The following OSBPL9 variants were observed in gnomAD, a reference collection of about 807,000 sequenced individuals.
OSBPL9 encodes oxysterol binding protein like 9, also known as oxysterol-binding protein-related protein 9.
Under a neutral mutation model 106.6 loss-of-function variants are expected in OSBPL9, and 40 were observed. The observed-to-expected ratio is 0.38, with a 90% CI of 0.29 to 0.49. The LOEUF is 0.49. Among genes scored for constraint, OSBPL9 ranks in the 20% least tolerant of loss-of-function variants. The probability of loss-of-function intolerance (pLI) is 0.97; values close to 1 mark genes in which losing one functional copy is unlikely to be tolerated. For synonymous variants in OSBPL9, 269 were observed against 295.4 expected, an observed-to-expected ratio of 0.91 and a Z score of 0.92; for missense variants, 609 against 887.2, an observed-to-expected ratio of 0.69 and a Z score of 3.98.
chr1:51,721,145 T>C (rs2148911164), intron 4 of OSBPL9, among the ~76,000 whole-genome samples: 1 of 152,102 alleles, frequency 6.6e-6, no homozygotes, highest in East Asian at 1.9e-4. Flanking sequence ...TGTTAATTTT[T>C]TTTTTTTTTT....
At chr1:51,759,739 A>G (rs1671102107) in intron 9 of OSBPL9, 1 of 152,184 alleles carries the variant, frequency 6.6e-6, no homozygotes, top group Non-Finnish European at 1.5e-5. Context: ...TCATGCTGTC[A>G]GAATAATTTC....
chr1:51,740,319 A>AT, intron 4 of OSBPL9: 1 of 1,263,342 alleles, frequency 7.9e-7, no homozygotes, highest in Non-Finnish European at 1.0e-6. Flanking sequence ...ACTTTCCAAT[A>AT]TTCTCATATT....
the OSBPL9 span, among the ~76,000 whole-genome samples, chr1:51,548,636 T>C: frequency 6.6e-6 from 1 of 152,202 alleles, no homozygotes; most frequent in Admixed American, 6.5e-5. Context: ...GTGATCCTCC[T>C]GCCTCGACCT....
intron 9 of OSBPL9, among the ~76,000 whole-genome samples, chr1:51,758,822 C>T (rs1004515937): frequency 3.3e-5 from 5 of 151,972 alleles, no homozygotes; most frequent in African/African-American, 4.8e-5. Context: ...GAGTTATTTT[C>T]GAGAAAAGCG....
chr1:51,785,595 C>T (rs1369076986), intron 20 of OSBPL9: 7 of 544,608 alleles, frequency 1.3e-5, no homozygotes, highest in Non-Finnish European at 1.9e-5. Flanking sequence ...TTGCCCAAAC[C>T]CACCATTCTT....
At chr1:51,711,443 G>GTGGCTGGC (rs766216949) in intron 3 of OSBPL9, among the ~76,000 whole-genome samples, 38 of 140,106 alleles carry the variant, frequency 2.7e-4, no homozygotes, top group Non-Finnish European at 4.9e-4. Flanking sequence ...CCTGGACGGG[G>GTGGCTGGC]CGGCTGGCCG....
intron 1 of OSBPL9, 78 bp downstream of exon 1, chr1:51,617,299 G>C: frequency 2.8e-6 from 4 of 1,436,054 alleles, no homozygotes; most frequent in Non-Finnish European, 2.8e-6. Context: ...GGGGTTTTAG[G>C]TGGCTGAGTT....
intron 16 of OSBPL9, 26 bp downstream of exon 16, chr1:51,781,361 A>G: frequency 6.3e-7 from 1 of 1,599,510 alleles, no homozygotes; most frequent in Non-Finnish European, 8.6e-7. Context: ...ACATTTTTAA[A>G]TTATCTTAAT....
chr1:51,533,100 A>G, the OSBPL9 span, among the ~76,000 whole-genome samples: 1 of 152,174 alleles, frequency 6.6e-6, no homozygotes, highest in Non-Finnish European at 1.5e-5. Flanking sequence ...AACCTCTAAA[A>G]AAATCATAGT....
chr1:51,574,413 T>C (rs761836220), upstream of OSBPL9, among the ~76,000 whole-genome samples: 12 of 151,306 alleles, frequency 7.9e-5, no homozygotes, highest in Admixed American at 2.0e-4. Flanking sequence ...AGGTCAGGAG[T>C]TCGAGACCAG....
At chr1:51,785,787 A>T (rs765104482) in intron 20 of OSBPL9, 21 bp from the exon 21 acceptor site, 1 of 1,607,386 alleles carries the variant, frequency 6.2e-7, no homozygotes, top group Non-Finnish European at 8.5e-7. Context: ...GACTAACACA[A>T]GTATTTCCTT....
At chr1:51,751,257 T>G (rs2149027762) in intron 8 of OSBPL9, among the ~76,000 whole-genome samples, 1 of 152,122 alleles carries the variant, frequency 6.6e-6, no homozygotes, top group African/African-American at 2.4e-5. Flanking sequence ...TGGCTAATTC[T>G]TATATTTTTA....
intron 3 of OSBPL9, among the ~76,000 whole-genome samples, chr1:51,697,506 C>T (rs1656312459): frequency 8.1e-6 from 1 of 123,946 alleles, no homozygotes; most frequent in East Asian, 2.5e-4. Context: ...CAAATAACCA[C>T]TTTATTTTGT....
intron 17 of OSBPL9, among the ~76,000 whole-genome samples, 170 bp downstream of exon 17, chr1:51,782,813 G>A (rs1364856701): frequency 6.6e-6 from 1 of 152,150 alleles, no homozygotes; most frequent in African/African-American, 2.4e-5. Flanking sequence ...TTTTCCTTTT[G>A]TAAGCTCCAG....
intron 4 of OSBPL9, among the ~76,000 whole-genome samples, chr1:51,740,705 A>G (rs1453417265): frequency 6.6e-6 from 1 of 152,120 alleles, no homozygotes; most frequent in African/African-American, 2.4e-5. Context: ...AGATATGAAA[A>G]CAATTATTCA....
intron 4 of OSBPL9, among the ~76,000 whole-genome samples, chr1:51,726,008 A>G (rs1311790998): frequency 6.6e-6 from 1 of 152,218 alleles, no homozygotes; most frequent in Non-Finnish European, 1.5e-5. Flanking sequence ...CTTGCCAATA[A>G]CATAAACAGT....
At chr1:51,711,707 G>T (rs1178983150) in intron 3 of OSBPL9, among the ~76,000 whole-genome samples, 8 of 148,234 alleles carry the variant, frequency 5.4e-5, no homozygotes, top group Non-Finnish European at 9.0e-5. Flanking sequence ...GGGGCGGCCG[G>T]GCAGAGATGC....
chr1:51,748,475 C>A, intron 7 of OSBPL9, 77 bp downstream of exon 7: 1 of 1,333,222 alleles, frequency 7.5e-7, no homozygotes, highest in Non-Finnish European at 9.8e-7. Context: ...TAAGCTGCCA[C>A]TATTGATGAC....
At chr1:51,760,454 C>T in intron 9 of OSBPL9, 1 of 438,012 alleles carries the variant, frequency 2.3e-6, no homozygotes, top group Non-Finnish European at 3.8e-6. Context: ...CTCAGTTTTT[C>T]CATTTAGCTT....
Sources: allele counts gnomAD v4.1 joint callset (sites outside exome capture counted in the v4.1 genomes callset), GRCh38; gene constraint gnomAD v4.1.1; transcripts MANE v1.5; gene names NCBI Gene and HGNC (gene_info 2026-07-23, HGNC 2026-07-21).